The following FAT3 variants were observed in gnomAD, a reference collection of about 807,000 sequenced individuals.
The protein encoded by FAT3 is FAT atypical cadherin 3, also known as protocadherin Fat 3.
Under a neutral mutation model 310.2 loss-of-function variants are expected in FAT3, and 95 were observed. The ratio of observed to expected loss-of-function variants is 0.31; its 90% CI spans 0.26 to 0.36. The LOEUF (loss-of-function observed/expected upper bound fraction) is 0.36, where lower values mean the gene tolerates loss of function less well. Among genes scored for constraint, FAT3 ranks in the 10% least tolerant of loss-of-function variants. FAT3 has a pLI of 1.00. For synonymous variants in FAT3, 2,314 were observed against 2,192.9 expected (o/e 1.06, Z -1.54); for missense variants, 5,408 against 5,715.6 (o/e 0.95, Z 1.74).
chr11:92,527,907 A>AT (rs1245052017), intron 3 of FAT3, among the ~76,000 whole-genome samples: 1 of 152,100 alleles, frequency 6.6e-6, no homozygotes, highest in Non-Finnish European at 1.5e-5. Context: ...TATGCTTTAG[A>AT]TTTTTTTCTC....
chr11:92,290,983 G>A (rs1946674528), intron 1 of FAT3, among the ~76,000 whole-genome samples: 1 of 151,706 alleles, frequency 6.6e-6, no homozygotes, highest in South Asian at 2.1e-4. Flanking sequence ...ATACATATGA[G>A]AAGCTAGAAG....
intron 3 of FAT3, among the ~76,000 whole-genome samples, chr11:92,619,575 T>C (rs1940985730): frequency 6.6e-6 from 1 of 152,186 alleles, no homozygotes; most frequent in Non-Finnish European, 1.5e-5. Flanking sequence ...GATTTACTGT[T>C]TCTCCCTGAG....
chr11:92,595,167 T>C (rs1939641118), intron 3 of FAT3, among the ~76,000 whole-genome samples: 1 of 152,124 alleles, frequency 6.6e-6, no homozygotes, highest in Non-Finnish European at 1.5e-5. Flanking sequence ...GGATTTCAGA[T>C]TGATGTGAGC....
At chr11:92,507,223 G>A (rs567482724) in intron 2 of FAT3, among the ~76,000 whole-genome samples, 1 of 152,260 alleles carries the variant, frequency 6.6e-6, no homozygotes, top group South Asian at 2.1e-4. Context: ...GCCATTTAAT[G>A]GGATGAAATG....
chr11:92,674,594 C>G (rs1372908508), intron 3 of FAT3, among the ~76,000 whole-genome samples: 1 of 152,092 alleles, frequency 6.6e-6, no homozygotes, highest in South Asian at 2.1e-4. Context: ...GTGACCAGAG[C>G]TCCCTGCAGC....
intron 12 of FAT3, 136 bp from the exon 13 acceptor site, chr11:92,809,707 A>G (rs1228159574): frequency 9.3e-6 from 6 of 644,102 alleles, no homozygotes; most frequent in Non-Finnish European, 1.6e-5. Context: ...CTACATTTTT[A>G]AAGTATGGGA....
At chr11:92,563,387 C>T (rs1346072919) in intron 3 of FAT3, among the ~76,000 whole-genome samples, 1 of 152,160 alleles carries the variant, frequency 6.6e-6, no homozygotes, top group East Asian at 1.9e-4. Flanking sequence ...ACATTTTGAG[C>T]AGGCATTCCC....
chr11:92,851,495 T>C (rs1050805265), intron 19 of FAT3, among the ~76,000 whole-genome samples: 12 of 152,128 alleles, frequency 7.9e-5, no homozygotes, highest in African/African-American at 2.9e-4. Context: ...AGGGCCAAAA[T>C]CCAGGTCTGC....
In FAT3 at chr11:92,890,705, T is replaced by C. The variant is rs775177662; in HGVS notation, c.13362T>C (p.Pro4454=). The C allele has an allele frequency of 6.2e-7, 1 of 1,613,484 alleles. No individual in the cohort carries two copies. Among genetic ancestry groups the C allele is most frequent in the East Asian group, 2.2e-5 (1 of 44,850 alleles). Residue 4454 remains proline (P), a synonymous_variant, in exon 28 of 28, where the codon CCT becomes CCC. Coordinates refer to ENST00000525166, the MANE Select transcript of FAT3 (RefSeq NM_001367949.2). The part of the protein sequence containing the change: ...EFLSQDQLPP[P]LPEDFPDQYE... ...TGAGTCAGGACCAGCTGCCTCCTCC[T>C]CTCCCGGAGGACTTCCCAGACCAAT...
At chr11:92,246,007 T>G (rs1864888194) in intron 1 of FAT3, among the ~76,000 whole-genome samples, 1 of 151,886 alleles carries the variant, frequency 6.6e-6, no homozygotes, top group African/African-American at 2.4e-5. Context: ...GCAGGGTGAT[T>G]AAGGATGAGG....
At chr11:92,376,946 T>A (rs1211140170) in intron 2 of FAT3, among the ~76,000 whole-genome samples, 1 of 152,234 alleles carries the variant, frequency 6.6e-6, no homozygotes, top group African/African-American at 2.4e-5. Context: ...ATATGTCATT[T>A]TTATTGGAAG....
chr11:92,515,024 A>G (rs1452856783), intron 2 of FAT3, among the ~76,000 whole-genome samples: 1 of 152,068 alleles, frequency 6.6e-6, no homozygotes, highest in African/African-American at 2.4e-5. Context: ...GGAGAATTGT[A>G]TCTAGTGTTC....
intron 3 of FAT3, among the ~76,000 whole-genome samples, chr11:92,622,341 C>A (rs1941126403): frequency 1.3e-5 from 2 of 151,812 alleles, no homozygotes; most frequent in Admixed American, 1.3e-4. Flanking sequence ...GCAGTTAATT[C>A]TCTTAGTAAT....
At chr11:92,477,192 A>G (rs1952072220) in intron 2 of FAT3, among the ~76,000 whole-genome samples, 1 of 152,206 alleles carries the variant, frequency 6.6e-6, no homozygotes, top group Non-Finnish European at 1.5e-5. Flanking sequence ...TCCCACAGAA[A>G]AGAATGGAGA....
intron 3 of FAT3, 66 bp from the exon 4 acceptor site, chr11:92,697,318 T>G: frequency 6.8e-7 from 1 of 1,465,138 alleles, no homozygotes; most frequent in South Asian, 1.2e-5. Context: ...CTGGACTTGT[T>G]TCCCCACACT....
intron 23 of FAT3, among the ~76,000 whole-genome samples, chr11:92,882,266 G>A (rs945520913): frequency 6.6e-6 from 1 of 152,024 alleles, no homozygotes; most frequent in Non-Finnish European, 1.5e-5. Context: ...GGGATACTAC[G>A]GCCAGCACCA....
chr11:92,774,262 A>G (rs1473499110), intron 7 of FAT3, 82 bp downstream of exon 7: 1 of 1,393,240 alleles, frequency 7.2e-7, no homozygotes, highest in Non-Finnish European at 9.6e-7. Flanking sequence ...AAAAAATGTA[A>G]TGGAAGTAGT....
At chr11:92,762,530 A>G (rs1565574175) in intron 5 of FAT3, among the ~76,000 whole-genome samples, 2 of 152,120 alleles carry the variant, frequency 1.3e-5, no homozygotes, top group African/African-American at 4.8e-5. Context: ...CCTACCCACC[A>G]CTGAACATAT....
intron 1 of FAT3, among the ~76,000 whole-genome samples, chr11:92,297,720 T>C (rs182541631): frequency 6.6e-6 from 1 of 152,210 alleles, no homozygotes; most frequent in East Asian, 1.9e-4. Context: ...GTAGTTATCA[T>C]TTAGAATTCT....
Sources: allele counts gnomAD v4.1 joint callset (sites outside exome capture counted in the v4.1 genomes callset), GRCh38; gene constraint gnomAD v4.1.1; transcripts MANE v1.5; gene names NCBI Gene and HGNC (gene_info 2026-07-23, HGNC 2026-07-21).